The following ADAM29 variants were observed in gnomAD, a reference collection of about 807,000 sequenced individuals.
ADAM29 encodes ADAM metallopeptidase domain 29, also known as disintegrin and metalloproteinase domain-containing protein 29.
For missense variants in ADAM29, 969 were observed against 1,001.8 expected (o/e 0.97, Z 0.44); for synonymous variants, 367 against 342.3 (o/e 1.07, Z -0.80).
chr4:174,930,265 C>G (rs932832524), intron 2 of ADAM29, among the ~76,000 whole-genome samples: 13 of 152,156 alleles, frequency 8.5e-5, no homozygotes, highest in African/African-American at 3.1e-4. Context: ...ACTCTATCCC[C>G]ACTCATGATG....
chr4:174,928,482 T>A (rs1212491386), intron 2 of ADAM29, among the ~76,000 whole-genome samples: 1 of 149,878 alleles, frequency 6.7e-6, no homozygotes, highest in Non-Finnish European at 1.5e-5. Flanking sequence ...AACGACTGCA[T>A]TGTAAGACCC....
At chr4:174,939,487 C>T (rs547759456) in intron 4 of ADAM29, among the ~76,000 whole-genome samples, 1 of 152,246 alleles carries the variant, frequency 6.6e-6, no homozygotes, top group South Asian at 2.1e-4. Flanking sequence ...ATAGATTTCA[C>T]TCCAAGCCAG....
chr4:174,945,975 C>G (rs957614433), intron 4 of ADAM29, among the ~76,000 whole-genome samples: 1 of 151,934 alleles, frequency 6.6e-6, no homozygotes, highest in Non-Finnish European at 1.5e-5. Context: ...ACTATTTGAG[C>G]CTTTTTTGAT....
intron 4 of ADAM29, among the ~76,000 whole-genome samples, chr4:174,937,680 T>C (rs546071710): frequency 6.6e-6 from 1 of 152,042 alleles, no homozygotes; most frequent in Non-Finnish European, 1.5e-5. Flanking sequence ...GCCTGGCTAG[T>C]TCCTAAGCAT....
chr4:174,965,597 G>A (rs557277651), intron 4 of ADAM29, among the ~76,000 whole-genome samples: 24 of 151,880 alleles, frequency 1.6e-4, no homozygotes, highest in African/African-American at 5.3e-4. Flanking sequence ...TAAGAAATTG[G>A]CTCATGTGAT....
chr4:174,928,570 A>T (rs113979702), intron 2 of ADAM29, among the ~76,000 whole-genome samples: 3 of 3,090 alleles, frequency 9.7e-4, no homozygotes, highest in South Asian at 8.2e-3. Flanking sequence ...TCATGTGCTT[A>T]AAAAAAAAAA....
chr4:174,974,368 A>G (rs949374166), intron 4 of ADAM29, among the ~76,000 whole-genome samples: 6 of 152,222 alleles, frequency 3.9e-5, no homozygotes, highest in African/African-American at 1.4e-4. Context: ...GATAAGAAGA[A>G]ACTCAGATAA....
At chr4:174,967,467 A>G (rs1746219768) in intron 4 of ADAM29, among the ~76,000 whole-genome samples, 2 of 152,162 alleles carry the variant, frequency 1.3e-5, no homozygotes, top group African/African-American at 4.8e-5. Flanking sequence ...TAAGTTGCTC[A>G]CAAAGTGGCT....
chr4:174,971,180 T>C (rs764269595), intron 4 of ADAM29, among the ~76,000 whole-genome samples: 1 of 152,206 alleles, frequency 6.6e-6, no homozygotes, highest in Non-Finnish European at 1.5e-5. Context: ...GAAAACATCA[T>C]GTTGCATACC....
At chr4:174,941,018 T>C (rs1159663588) in intron 4 of ADAM29, among the ~76,000 whole-genome samples, 1 of 152,220 alleles carries the variant, frequency 6.6e-6, no homozygotes, top group Non-Finnish European at 1.5e-5. Flanking sequence ...AACAAACTTT[T>C]ATATGGTTAT....
intron 4 of ADAM29, among the ~76,000 whole-genome samples, chr4:174,966,415 C>T (rs966252041): frequency 1.3e-5 from 2 of 152,070 alleles, no homozygotes; most frequent in South Asian, 2.1e-4. Flanking sequence ...AGCAAAAATC[C>T]ATGCTGAAAC....
chr4:174,926,990 TA>T (rs1440559216), intron 2 of ADAM29, among the ~76,000 whole-genome samples: 1 of 152,128 alleles, frequency 6.6e-6, no homozygotes, highest in Non-Finnish European at 1.5e-5. Flanking sequence ...AGAATATACA[TA>T]AATGTCAAAT....
rs1210097775 is a variant in ADAM29 at position 174,977,399 on chromosome 4, G to T, written c.1874G>T (p.Cys625Phe). 8.7e-6 allele frequency: 14 copies of T among 1,613,896 alleles called. No homozygotes were observed. The highest frequency in any genetic ancestry group is 1.2e-5 in the Non-Finnish European group (14 of 1,180,008). ...CVHITILNSNCSPAFCNKRGI... is the reference protein window; with the variant it reads ...CVHITILNSNFSPAFCNKRGI... ...CATATAACCATCTTGAATAGTAATT[G>T]CTCACCTGCATTTTGTAACAAGAGG... Residue 625 changes from cysteine to phenylalanine, a missense_variant, in exon 5 of 5, where the codon TGC becomes TTC. By Grantham distance (205) the Cys-to-Phe change is radical. Transcript: ENST00000359240.
Position 174,976,512 on chromosome 4 carries a change from A to G in ADAM29, c.987A>G (p.Ala329=). 1 of 1,611,216 alleles carries G rather than the reference A, an allele frequency of 6.2e-7. No individual in the cohort carries two copies. The highest frequency in any genetic ancestry group is 1.1e-5 in the South Asian group (1 of 90,456). Residue 329 remains alanine (A), a synonymous_variant, in exon 5 of 5, where the codon GCA becomes GCG. Coordinates refer to ENST00000359240, the MANE Select transcript of ADAM29 (RefSeq NM_014269.4). ...MNKTLGTFSI[A]VAHHLGHNLG... is the part of the protein sequence containing the mutation. ...AAACTTTGGGCACTTTTTCAATTGC[A>G]GTGGCTCATCATCTAGGTCATAATT...
At chr4:174,919,633 C>G (rs534090333) in intron 1 of ADAM29, among the ~76,000 whole-genome samples, 122 of 152,280 alleles carry the variant, frequency 8.0e-4, no homozygotes, top group African/African-American at 2.8e-3. Flanking sequence ...GAGGCTCCCC[C>G]TCTTTACTGG....
rs1410332856 is a variant in ADAM29 at position 174,975,951 on chromosome 4, T to C, written c.426T>C (p.Ser142=). The change falls in exon 5 of 5, where the codon TCT becomes TCC. Residue 142 remains serine, a synonymous_variant. Coordinates refer to ENST00000359240, the MANE Select transcript of ADAM29 (RefSeq NM_014269.4). ...ATGAAATCAAGCCCCTAGCATTTTC[T>C]ACCACGTTTGAACATCTGGTATACA... The part of the protein sequence containing the change: ...FAYEIKPLAF[S]TTFEHLVYKM... 6.2e-7 allele frequency: 1 copy of C among 1,614,128 alleles called. No homozygotes were observed. The highest frequency in any genetic ancestry group is 2.2e-5 in the East Asian group (1 of 44,878).
intron 4 of ADAM29, among the ~76,000 whole-genome samples, chr4:174,964,107 G>A (rs1270127464): frequency 6.6e-6 from 1 of 151,996 alleles, no homozygotes; most frequent in Non-Finnish European, 1.5e-5. Context: ...TATAAATTAT[G>A]TATGGTTTGA....
chr4:174,949,610 T>C (rs11133067), intron 4 of ADAM29, among the ~76,000 whole-genome samples: 104,253 of 151,436 alleles, frequency 0.69, 37,753 homozygotes, highest in Non-Finnish European at 0.8. Flanking sequence ...GTGTCTTCCC[T>C]GTGTCCACTC....
intron 1 of ADAM29, among the ~76,000 whole-genome samples, chr4:174,919,683 A>C (rs1192261338): frequency 6.6e-6 from 1 of 152,142 alleles, no homozygotes; most frequent in Non-Finnish European, 1.5e-5. Context: ...GGCTAGCTAG[A>C]GATTCTTTTG....
Sources: gnomAD v4.1 joint callset for allele counts (sites outside exome capture counted in the v4.1 genomes callset) on GRCh38, gnomAD v4.1.1 for gene constraint, MANE v1.5 for transcripts, NCBI Gene and HGNC (gene_info 2026-07-23, HGNC 2026-07-21) for gene names.